The following FANCD2 variants were observed in gnomAD, a reference collection of about 807,000 sequenced individuals.
The protein encoded by FANCD2 is FA complementation group D2, also known as Fanconi anemia group D2 protein.
In FANCD2, 131 loss-of-function variants were observed where a neutral mutation model predicts 192.3. The observed-to-expected ratio is 0.68, with a 90% CI of 0.59 to 0.79. The LOEUF is 0.79. Among genes scored for constraint, FANCD2 ranks in the 30% least tolerant of loss-of-function variants. The probability of loss-of-function intolerance (pLI) is 0.00; values close to 1 mark genes in which losing one functional copy is unlikely to be tolerated. For synonymous variants in FANCD2, 524 were observed against 612.5 expected (o/e 0.86, Z 2.13); for missense variants, 1,508 against 1,701.6 (o/e 0.89, Z 2.00).
intron 32 of FANCD2, among the ~76,000 whole-genome samples, chr3:10,083,280 A>G (rs1003583862): frequency 1.3e-5 from 2 of 152,164 alleles, no homozygotes; most frequent in African/African-American, 4.8e-5. Context: ...CAGAAAATAA[A>G]CCATCTCTAA....
chr3:10,026,536 A>C, intron 1 of FANCD2, 63 bp downstream of exon 1: 2 of 465,660 alleles, frequency 4.3e-6, no homozygotes, highest in Non-Finnish European at 5.6e-6. Context: ...CCTAATCTCT[A>C]AGTCCGGGCC....
rs755459217 is a variant in FANCD2, at chr3:10,081,167, G to T, written c.3044G>T (p.Cys1015Phe). 2 of 1,614,138 alleles carry T rather than the reference G, an allele frequency of 1.2e-6. No homozygotes were observed. The highest frequency in any genetic ancestry group is 8.5e-7 in the Non-Finnish European group (1 of 1,180,016). ...QQRSAQEIVH[C>F]VFQLLTPMCN... ...AGATCTGCCCAAGAAATTGTTCATT[G>T]TGTTTTTCAACTGCTGACCCCAATG... The change falls in exon 31 of 44, where the codon TGT becomes TTT. Residue 1015 changes from cysteine to phenylalanine, a missense_variant. By Grantham distance (205) the Cys-to-Phe change is radical (BLOSUM62 -2). This residue lies in a region of FANCD2 where 796 missense variants were observed against 879.4 expected (regional missense o/e 0.91). Coordinates refer to ENST00000675286, the MANE Select transcript of FANCD2 (RefSeq NM_001018115.3).
In FANCD2 at chr3:10,101,181, C is replaced by T. The variant is rs2125105510; in HGVS notation, c.4282-7C>T. 2 of 1,608,392 alleles carry T rather than the reference C, an allele frequency of 1.2e-6. No individual in the cohort carries two copies. Among genetic ancestry groups the T allele is most frequent in the Non-Finnish European group, 1.7e-6 (2 of 1,174,976 alleles). Reference sequence around the variant, plus strand: ...AAATGCTTATTTATTTATTCTTTGCCCCTTAGGATGGTGAAGAAGACGAAG... The same window carrying T: ...AAATGCTTATTTATTTATTCTTTGCTCCTTAGGATGGTGAAGAAGACGAAG... On this transcript the variant is annotated splice_polypyrimidine_tract_variant and splice_region_variant and intron_variant, in intron 43 of 43. Transcript: ENST00000675286.
Position 10,073,372 on chromosome 3 carries a change from T to A in FANCD2, c.2715+10T>A. 1.9e-6 allele frequency: 3 copies of A among 1,555,642 alleles called. No homozygotes were observed. The highest frequency in any genetic ancestry group is 1.1e-5 in the South Asian group (1 of 89,958). ...AGGCCAGCTAAACAAGGTATTGGAA[T>A]GATGGGTATCCGTGAAGGTTTGTGA... On this transcript the variant is annotated intron_variant, in intron 28 of 43. Coordinates refer to ENST00000675286, the MANE Select transcript of FANCD2 (RefSeq NM_001018115.3).
rs754809720 is a variant in FANCD2 at position 10,028,682 on chromosome 3, A to C, written c.25A>C (p.Lys9Gln). 1 of 1,614,204 alleles carries C rather than the reference A, an allele frequency of 6.2e-7. No individual in the cohort carries two copies. Among genetic ancestry groups the C allele is most frequent in the Non-Finnish European group, 8.5e-7 (1 of 1,180,006 alleles). The change falls in exon 2 of 44, where the codon AAA becomes CAA. Residue 9 changes from lysine (K) to glutamine (Q), a missense_variant. This residue lies in a region of FANCD2 where 435 missense variants were observed against 421.9 expected (regional missense o/e 1.03). Coordinates refer to ENST00000675286, the MANE Select transcript of FANCD2 (RefSeq NM_001018115.3). ...AATGGTTTCCAAAAGAAGACTGTCAAAATCTGAGGATAAAGAGAGCCTGAC... is the reference window on the plus strand; with the variant it reads ...AATGGTTTCCAAAAGAAGACTGTCACAATCTGAGGATAAAGAGAGCCTGAC... MVSKRRLS[K>Q]SEDKESLTED...
Position 10,090,301 on chromosome 3 carries a change from T to C in FANCD2, c.3693T>C (p.Phe1231=). ...STFPTLTRHT[F]VVFFRVMMAE... is the part of the protein sequence containing the mutation. The stretch of plus-strand genomic sequence containing the variant: ...TTTTCCCGTCTTCTAGGCATACTTT[T>C]GTTGTTTTCTTCCGTGTGATGATGG... The change falls in exon 37 of 44, where the codon TTT becomes TTC. Residue 1231 remains phenylalanine (F), a synonymous_variant. Transcript: ENST00000675286. 6.2e-7 allele frequency: 1 copy of C among 1,613,466 alleles called. No individual in the cohort carries two copies. Among genetic ancestry groups the C allele is most frequent in the Middle Eastern group, 1.7e-4 (1 of 6,060 alleles).
At chr3:10,074,714 A>G (rs529959031) in intron 29 of FANCD2, 41 bp downstream of exon 29, 244 of 1,596,980 alleles carry the variant, frequency 1.5e-4, no homozygotes, top group Non-Finnish European at 2.0e-4. Context: ...ATCTTCTTTC[A>G]GAAAGTTCCT....
chr3:10,052,552 C>T, intron 18 of FANCD2, 55 bp downstream of exon 18: 1 of 1,208,096 alleles, frequency 8.3e-7, no homozygotes, highest in Non-Finnish European at 1.2e-6. Context: ...GAGTCTAGCT[C>T]TGTCTCCTAG....
Position 10,090,275 on chromosome 3 carries a change from C to T in FANCD2, c.3684-17C>T. 1 of 1,598,186 alleles carries T rather than the reference C, an allele frequency of 6.3e-7. No individual in the cohort carries two copies. The highest frequency in any genetic ancestry group is 1.3e-5 in the African/African-American group (1 of 74,664). ...GTGCATCATGGTGTGGGCACGCATG[C>T]TTTTCCCGTCTTCTAGGCATACTTT... On this transcript the variant is annotated splice_polypyrimidine_tract_variant and intron_variant, in intron 36 of 43. Transcript: ENST00000675286.
chr3:10,068,267 T>C (rs868569989), intron 26 of FANCD2, among the ~76,000 whole-genome samples: 22 of 152,218 alleles, frequency 1.4e-4, no homozygotes, highest in Non-Finnish European at 2.8e-4. Flanking sequence ...CAAAAAACTA[T>C]TAGATAAATT....
chr3:10,046,835 T>G (rs2087029920), intron 15 of FANCD2, 112 bp downstream of exon 15: 2 of 963,030 alleles, frequency 2.1e-6, no homozygotes, highest in Admixed American at 4.4e-5. Context: ...ATTTTTGAAT[T>G]TTGTTTTTGC....
rs1021963749 is a variant in FANCD2 at position 10,087,124 on chromosome 3, C to G, written c.3336-10C>G. 16 of 1,613,954 alleles carry G rather than the reference C, an allele frequency of 9.9e-6. No individual in the cohort carries two copies. The highest frequency in any genetic ancestry group is 1.4e-5 in the Non-Finnish European group (16 of 1,179,932). The stretch of plus-strand genomic sequence containing the variant: ...TATTGCATTTGTTTGTTTTTCTTGT[C>G]TCCTTACAGCCAGAGCGTCCATTAC... On this transcript the variant is annotated splice_polypyrimidine_tract_variant and intron_variant, in intron 33 of 43. Coordinates refer to ENST00000675286, the MANE Select transcript of FANCD2 (RefSeq NM_001018115.3).
At chr3:10,060,273 T>G (rs767862240) in intron 18 of FANCD2, 21 bp from the exon 19 acceptor site, 4 of 1,562,502 alleles carry the variant, frequency 2.6e-6, no homozygotes, top group Admixed American at 1.7e-5. Flanking sequence ...ATTTTCATCT[T>G]TCTTCATCAT....
At position 10,094,300 on chromosome 3, in the gene FANCD2, CTT is replaced by C. The variant is rs1694823880; in HGVS notation, c.3902_3903del (p.Phe1301CysfsTer17). ...LHVCLKYGRL[F>X]VEAFLKQCMP... ...TCTCTCTTCTTCAGTATGGGCGTCT[CTT>C]TGTGGAAGCATTTCTGAAGCAATGT... On this transcript the variant is annotated frameshift_variant, in exon 40 of 44. Transcript: ENST00000675286. LOFTEE classifies it high-confidence loss of function. 1 of 1,613,902 alleles carries C rather than the reference CTT, an allele frequency of 6.2e-7. No individual in the cohort carries two copies. The highest frequency in any genetic ancestry group is 1.1e-5 in the South Asian group (1 of 91,080).
intron 42 of FANCD2, 64 bp downstream of exon 42, chr3:10,096,536 CA>C: frequency 6.6e-7 from 1 of 1,518,180 alleles, no homozygotes; most frequent in Non-Finnish European, 9.1e-7. Context: ...CATCAGATGG[CA>C]TGTAAGGAAG....
intron 26 of FANCD2, among the ~76,000 whole-genome samples, chr3:10,071,141 A>G (rs1238912058): frequency 6.7e-6 from 1 of 149,478 alleles, no homozygotes; most frequent in Non-Finnish European, 1.5e-5. Context: ...AAAAAAAAGA[A>G]AAAAAGAAAA....
intron 42 of FANCD2, among the ~76,000 whole-genome samples, chr3:10,097,818 C>T (rs7622679): frequency 0.026 from 3,963 of 152,208 alleles, 182 homozygotes; most frequent in African/African-American, 0.091. Context: ...TTAGAGATTA[C>T]AGTAAAGACA....
chr3:10,060,339 T>G lies in FANCD2; in HGVS notation c.1702T>G (p.Phe568Val), dbSNP rs2087529969. The G allele has an allele frequency of 3.1e-6, 5 of 1,613,524 alleles. No homozygotes were observed. The highest frequency in any genetic ancestry group is 4.2e-6 in the Non-Finnish European group (5 of 1,180,016). Reference protein sequence around the residue: ...VIRKQLSSTVFKYKLIGIIGA... With the variant: ...VIRKQLSSTVVKYKLIGIIGA... ...AAGAAAGCAGCTCTCTAGCACCGTA[T>G]TCAAGTACAAGCTCATTGGGATTAT... Residue 568 changes from phenylalanine (F) to valine (V), a missense_variant, in exon 19 of 44, where the codon TTC (phenylalanine) becomes GTC (valine). Around this residue, in one of 5 missense-constraint regions of FANCD2, gnomAD observed 110 missense variants for 114.4 expected, o/e 0.96. Transcript: ENST00000675286.
chr3:10,088,531 T>A lies in FANCD2; in HGVS notation c.3549T>A (p.His1183Gln). ...EKSNISNDQL[H>Q]ALLCIYLEHT... ...GCAACATCTCTAATGACCAGCTCCA[T>A]GCTCTGCTCTGGTGAGATGTTTGGT... The change falls in exon 35 of 44, where the codon CAT becomes CAA. Residue 1183 changes from histidine (H) to glutamine (Q), a missense_variant. This residue lies in a region of FANCD2 where 796 missense variants were observed against 879.4 expected (regional missense o/e 0.91). Coordinates refer to ENST00000675286, the MANE Select transcript of FANCD2 (RefSeq NM_001018115.3). The A allele has an allele frequency of 6.2e-7, 1 of 1,600,430 alleles. No homozygotes were observed. Among genetic ancestry groups the A allele is most frequent in the Non-Finnish European group, 8.6e-7 (1 of 1,167,512 alleles).
Sources: allele counts gnomAD v4.1 joint callset (sites outside exome capture counted in the v4.1 genomes callset), GRCh38; gene constraint gnomAD v4.1.1; regional missense constraint gnomAD v4.1.1; transcripts MANE v1.5; gene names NCBI Gene and HGNC (gene_info 2026-07-23, HGNC 2026-07-21).